The following DPY19L4 variants were observed in gnomAD, a reference collection of about 807,000 sequenced individuals.
The protein encoded by DPY19L4 is probable C-mannosyltransferase DPY19L4.
DPY19L4 carries 97 observed loss-of-function variants against 102.8 expected under a neutral mutation model. The ratio of observed to expected loss-of-function variants is 0.94; its 90% CI spans 0.80 to 1.12. The LOEUF is 1.12. Ranked by LOEUF, DPY19L4 falls within the 50% of genes most tolerant of loss-of-function variation. DPY19L4 has a pLI of 0.00. For missense variants in DPY19L4, 815 were observed against 850.4 expected (o/e 0.96, Z 0.52); for synonymous variants, 252 against 283.1 (o/e 0.89, Z 1.10).
chr8:94,773,178 C>T (rs1813005307), intron 13 of DPY19L4, among the ~76,000 whole-genome samples: 1 of 144,822 alleles, frequency 6.9e-6, no homozygotes, highest in Admixed American at 7.0e-5. Context: ...CGTGCCACTG[C>T]ACTCCAACCT....
At chr8:94,747,261 C>G (rs1053163043) in intron 6 of DPY19L4, among the ~76,000 whole-genome samples, 1 of 152,108 alleles carries the variant, frequency 6.6e-6, no homozygotes, top group Non-Finnish European at 1.5e-5. Context: ...CCATGCTGCC[C>G]AGGCTGGTCT....
At position 94,761,715 on chromosome 8, in the gene DPY19L4, T is replaced by TTGA. The variant is rs1812399637; in HGVS notation, c.755_757dup (p.Met252dup). The TTGA allele has an allele frequency of 6.3e-7, 1 of 1,599,848 alleles. No homozygotes were observed. Among genetic ancestry groups the TTGA allele is most frequent in the East Asian group, 2.2e-5 (1 of 44,532 alleles). On this transcript the variant is annotated inframe_insertion, in exon 8 of 19. Coordinates refer to ENST00000414645, the MANE Select transcript of DPY19L4 (RefSeq NM_181787.3). ...TTTTCCCTAGAGGTTTTGCTACTTG[T>TTGA]TGATGAGTGCTTCAACTTACACATT...
intron 14 of DPY19L4, among the ~76,000 whole-genome samples, chr8:94,779,551 A>T (rs956188780): frequency 6.6e-6 from 1 of 151,354 alleles, no homozygotes; most frequent in Non-Finnish European, 1.5e-5. Context: ...CTGGTCTCAA[A>T]CTCCTGGACT....
intron 8 of DPY19L4, among the ~76,000 whole-genome samples, chr8:94,763,051 C>T (rs534865559): frequency 4.0e-5 from 6 of 151,298 alleles, no homozygotes; most frequent in Admixed American, 6.6e-5. Flanking sequence ...CGGCTTCAAG[C>T]GATTCTCCTG....
intron 2 of DPY19L4, 78 bp downstream of exon 2, chr8:94,726,519 A>G: frequency 1.7e-6 from 2 of 1,180,110 alleles, no homozygotes; most frequent in Non-Finnish European, 2.4e-6. Flanking sequence ...TCAATATTTT[A>G]AATATACATA....
At chr8:94,725,298 T>C (rs1343168681) in intron 1 of DPY19L4, among the ~76,000 whole-genome samples, 1 of 152,230 alleles carries the variant, frequency 6.6e-6, no homozygotes. Flanking sequence ...ACTCTGTACT[T>C]ACAGTATCAT....
intron 2 of DPY19L4, among the ~76,000 whole-genome samples, chr8:94,726,708 G>A (rs963730996): frequency 2.6e-5 from 4 of 152,266 alleles, no homozygotes; most frequent in Middle Eastern, 3.4e-3. Context: ...TTCTTGTGAC[G>A]TAGGAAAAGA....
chr8:94,761,181 A>G (rs546143655), intron 7 of DPY19L4, among the ~76,000 whole-genome samples: 1 of 152,360 alleles, frequency 6.6e-6, no homozygotes, highest in South Asian at 2.1e-4. Flanking sequence ...TGAAAGGGTA[A>G]TAGAGCCTGA....
rs1813532906 is a variant in DPY19L4 at position 94,783,732 on chromosome 8, T to C, written c.1778T>C (p.Leu593Ser). The C allele has an allele frequency of 3.7e-6, 6 of 1,614,148 alleles. No homozygotes were observed. The East Asian group carries it at 1.3e-4, about 36-fold the overall frequency. The change falls in exon 17 of 19, where the codon TTA becomes TCA. Residue 593 changes from leucine (L) to serine (S), a missense_variant. Physicochemically the swap from Leu to Ser is moderately radical, Grantham distance 145. Transcript: ENST00000414645. ...GSPQLMGAIKLCTGWMVTSLP... is the reference protein window; with the variant it reads ...GSPQLMGAIKSCTGWMVTSLP... ...CCACAGTTAATGGGTGCGATTAAAT[T>C]ATGCACTGGATGGATGGTGACAAGT...
intron 13 of DPY19L4, among the ~76,000 whole-genome samples, chr8:94,777,309 C>T (rs974780536): frequency 2.0e-5 from 3 of 152,114 alleles, no homozygotes; most frequent in Non-Finnish European, 4.4e-5. Context: ...TCAAGTGATC[C>T]ACCCACCTCA....
rs764128288 is a variant in DPY19L4 at position 94,768,431 on chromosome 8, C to G, written c.1212C>G (p.Ser404=). The change falls in exon 12 of 19, where the codon TCC becomes TCG. Residue 404 remains serine, a synonymous_variant. Transcript: ENST00000414645. The part of the protein sequence containing the change: ...FTMNWLLCQE[S]LQAPSQDFFL... ...TGAATTGGCTCCTCTGTCAAGAATC[C>G]CTGCAGGCACCATCTCAAGATTTTT... 3 of 1,606,794 alleles carry G rather than the reference C, an allele frequency of 1.9e-6. No homozygotes were observed. Among genetic ancestry groups the G allele is most frequent in the African/African-American group, 1.3e-5 (1 of 74,504 alleles).
In DPY19L4 at chr8:94,719,916, A is replaced by G. The variant is rs2130769160; in HGVS notation, c.-83A>G. On this transcript the variant is annotated 5_prime_UTR_variant, in exon 1 of 19. Coordinates refer to ENST00000414645, the MANE Select transcript of DPY19L4 (RefSeq NM_181787.3). ...GCGGCGGCCAGGAGCGGGCCCCCGG[A>G]GGCCGAGGGGTTCGGCGACGCGGAG... 1 of 1,406,326 alleles carries G rather than the reference A, an allele frequency of 7.1e-7. No homozygotes were observed. The highest frequency in any genetic ancestry group is 9.3e-7 in the Non-Finnish European group (1 of 1,070,630). 87.1% of individuals were successfully genotyped at this position (1,406,326 alleles called of 1,614,324 possible).
rs114093741 is a variant in DPY19L4, at chr8:94,736,799, A to G, written c.253-1570A>G. On this transcript the variant is annotated intron_variant, in intron 3 of 18. Coordinates refer to ENST00000414645, the MANE Select transcript of DPY19L4 (RefSeq NM_181787.3). ...ATTAAAGACTTGCTGTTCTGCATAC[A>G]TAGAGATGTGGAACAGTAATAGAAA... Among the ~76,000 whole-genome samples, 306 of 152,334 alleles carry G rather than the reference A, an allele frequency of 2.0e-3. 1 individual carries two copies. The highest frequency in any genetic ancestry group is 7.1e-3 in the African/African-American group (296 of 41,580).
intron 8 of DPY19L4, among the ~76,000 whole-genome samples, chr8:94,763,179 C>A (rs113472426): frequency 2.0e-5 from 3 of 151,230 alleles, no homozygotes; most frequent in African/African-American, 7.3e-5. Context: ...GAACTCCTGA[C>A]CTTGTGATCT....
At chr8:94,731,555 A>G (rs1810954631) in intron 2 of DPY19L4, among the ~76,000 whole-genome samples, 1 of 151,866 alleles carries the variant, frequency 6.6e-6, no homozygotes, top group East Asian at 1.9e-4. Context: ...AGCTGGGATT[A>G]CAGGCATGCG....
intron 11 of DPY19L4, among the ~76,000 whole-genome samples, chr8:94,767,383 T>C (rs1372768368): frequency 6.8e-6 from 1 of 147,520 alleles, no homozygotes; most frequent in African/African-American, 2.5e-5. Flanking sequence ...AAGCTCCGCC[T>C]CCTGGGTTCA....
In DPY19L4 at chr8:94,789,987, A is replaced by G; in HGVS notation, c.*77A>G. 7.1e-7 allele frequency: 1 copy of G among 1,403,776 alleles called. No individual in the cohort carries two copies. 87.0% of individuals were successfully genotyped at this position (1,403,776 alleles called of 1,614,324 possible). On this transcript the variant is annotated 3_prime_UTR_variant, in exon 19 of 19. Coordinates refer to ENST00000414645, the MANE Select transcript of DPY19L4 (RefSeq NM_181787.3). ...CTTCTACCTACTCGGTGTCTTTTGC[A>G]GATCAGAGTATGGACATTTGAAATA...
intron 17 of DPY19L4, among the ~76,000 whole-genome samples, chr8:94,787,339 T>G (rs1813699353): frequency 6.6e-6 from 1 of 152,174 alleles, no homozygotes; most frequent in Non-Finnish European, 1.5e-5. Context: ...ACACTTCCTC[T>G]TGATGTATTG....
intron 8 of DPY19L4, among the ~76,000 whole-genome samples, chr8:94,764,420 C>CA (rs1418415385): frequency 6.6e-6 from 1 of 151,020 alleles, no homozygotes; most frequent in East Asian, 2.0e-4. Context: ...ACTAAAAATA[C>CA]AAAAAAATTA....
Sources: allele counts gnomAD v4.1 joint callset (sites outside exome capture counted in the v4.1 genomes callset), GRCh38; gene constraint gnomAD v4.1.1; transcripts MANE v1.5; gene names NCBI Gene and HGNC (gene_info 2026-07-23, HGNC 2026-07-21).